Variants in ZNF416 observed in about 807,000 individuals in gnomAD.
ZNF416 encodes the protein zinc finger protein 416.
A neutral mutation model predicts 10.9 loss-of-function variants in ZNF416; 5 were observed. The observed-to-expected ratio is 0.46, with a 90% CI of 0.24 to 0.97. The LOEUF (loss-of-function observed/expected upper bound fraction) is 0.97. ZNF416 is among the 50% of genes least tolerant of loss of function. ZNF416 has a pLI of 0.19. For synonymous variants in ZNF416, 267 were observed against 251.8 expected, an observed-to-expected ratio of 1.06 and a Z score of -0.57; for missense variants, 675 against 715.0, an observed-to-expected ratio of 0.94 and a Z score of 0.64.
In ZNF416 at chr19:57,573,272, C is replaced by A; in HGVS notation, c.632G>T (p.Gly211Val). The A allele has an allele frequency of 6.2e-7, 1 of 1,614,240 alleles. No individual in the cohort carries two copies. Among genetic ancestry groups the A allele is most frequent in the Non-Finnish European group, 8.5e-7 (1 of 1,180,040 alleles). Reference sequence around the variant, plus strand: ...TTGACTCCACTTGTAATGACTTATTCCAACATGAAAGGCCTCCTCACATTT... The same window carrying A: ...TTGACTCCACTTGTAATGACTTATTACAACATGAAAGGCCTCCTCACATTT... ...ISKCEEAFHV[G>V]ISHYKWSQCR... The change falls in exon 4 of 4, where the codon GGA becomes GTA. Residue 211 changes from glycine to valine, a missense_variant. Physicochemically the swap from Gly to Val is moderately radical, Grantham distance 109 (BLOSUM62 -3). Coordinates refer to ENST00000196489, the MANE Select transcript of ZNF416 (RefSeq NM_017879.3).
rs577622214 is a variant in ZNF416, at chr19:57,572,320, C to T, written c.1584G>A (p.Gly528=). The T allele has an allele frequency of 5.0e-6, 8 of 1,614,032 alleles. No homozygotes were observed. In the African/African-American group the frequency reaches 9.3e-5, roughly 19 times the overall value. The change falls in exon 4 of 4, where the codon GGG becomes GGA. Residue 528 remains glycine (G), a synonymous_variant. Coordinates refer to ENST00000196489, the MANE Select transcript of ZNF416 (RefSeq NM_017879.3). The surrounding 1 kb of genome is among the most constrained non-coding windows in gnomAD (Gnocchi z 4.5). ...GLRPYDCGQC[G]KSFIQKSSLI... ...GGCTAGACTTTTGGATAAAGGATTT[C>T]CCGCACTGTCCACAGTCGTAAGGCC...
In ZNF416 at chr19:57,575,148, A is replaced by C. The variant is rs745522942; in HGVS notation, c.202+656T>G. ...CAGGGCAAATTCCTGGTAAGATTAG[A>C]AAACAGGCTGGATGCCATGTCCTCA... On this transcript the variant is annotated intron_variant, in intron 3 of 3. Transcript: ENST00000196489. The surrounding 1 kb of genome is among the most constrained non-coding windows in gnomAD (Gnocchi z 4.4). Among the ~76,000 whole-genome samples, 1 of 152,214 alleles carries C rather than the reference A, an allele frequency of 6.6e-6. No individual in the cohort carries two copies. The highest frequency in any genetic ancestry group is 1.5e-5 in the Non-Finnish European group (1 of 68,030).
In ZNF416 at chr19:57,573,026, G is replaced by C; in HGVS notation, c.878C>G (p.Thr293Ser). 3 of 1,614,218 alleles carry C rather than the reference G, an allele frequency of 1.9e-6. No individual in the cohort carries two copies. Among genetic ancestry groups the C allele is most frequent in the Non-Finnish European group, 2.5e-6 (3 of 1,180,040 alleles). ...SHLNDHRRIH[T>S]GERPYVCGQC... ...ACCACACACATAAGGCCTTTCTCCA[G>C]TGTGGATTCTCCGATGATCATTCAG... The change falls in exon 4 of 4, where the codon ACT becomes AGT. Residue 293 changes from threonine to serine, a missense_variant. Coordinates refer to ENST00000196489, the MANE Select transcript of ZNF416 (RefSeq NM_017879.3).
chr19:57,572,253 C>T lies in ZNF416; in HGVS notation c.1651G>A (p.Glu551Lys). ...QVVHTGERPYECGKCGKSFTQ... is the reference protein window; with the variant it reads ...QVVHTGERPYKCGKCGKSFTQ... ...AAGGACTTCCCACATTTGCCACACT[C>T]ATATGGCCTTTCTCCTGTGTGAACC... The change falls in exon 4 of 4, where the codon GAG becomes AAG. Residue 551 changes from glutamate to lysine, a missense_variant. Transcript: ENST00000196489. This position sits in a 1 kb window ranked among gnomAD's most constrained non-coding sequence, Gnocchi z 4.5. 1 of 1,614,220 alleles carries T rather than the reference C, an allele frequency of 6.2e-7. No homozygotes were observed. The highest frequency in any genetic ancestry group is 8.5e-7 in the Non-Finnish European group (1 of 1,180,048).
In ZNF416 at chr19:57,572,680, C is replaced by G. The variant is rs1978342338; in HGVS notation, c.1224G>C (p.Arg408Ser). 6.2e-7 allele frequency: 1 copy of G among 1,614,140 alleles called. No individual in the cohort carries two copies. The highest frequency in any genetic ancestry group is 1.1e-5 in the South Asian group (1 of 91,090). ...VVHQRIHTTA[R>S]PYECGQCGKS... The stretch of plus-strand genomic sequence containing the variant: ...TCCCACACTGGCCACACTCATAAGG[C>G]CTTGCTGTAGTGTGAATTCTCTGGT... Residue 408 changes from arginine to serine, a missense_variant, in exon 4 of 4, where the codon AGG becomes AGC. Arg to Ser is a moderately radical substitution (Grantham distance 110). Transcript: ENST00000196489. The surrounding 1 kb of genome is among the most constrained non-coding windows in gnomAD (Gnocchi z 4.5).
rs768226707 is a variant in ZNF416, at chr19:57,572,507, T to C, written c.1397A>G (p.Tyr466Cys). 43 of 1,613,964 alleles carry C rather than the reference T, an allele frequency of 2.7e-5. No individual in the cohort carries two copies. Among genetic ancestry groups the C allele is most frequent in the African/African-American group, 4.0e-5 (3 of 74,872 alleles). Reference protein sequence around the residue: ...HHKVHTAERPYVCGECGKAFM... With the variant: ...HHKVHTAERPCVCGECGKAFM... The stretch of plus-strand genomic sequence containing the variant: ...AGCTTTCCCACATTCCCCACATACA[T>C]AAGGCCTTTCTGCAGTGTGAACTTT... The change falls in exon 4 of 4, where the codon TAT becomes TGT. Residue 466 changes from tyrosine (Y) to cysteine (C), a missense_variant. Transcript: ENST00000196489. The surrounding 1 kb of genome is among the most constrained non-coding windows in gnomAD (Gnocchi z 4.5).
chr19:57,573,428 A>G lies in ZNF416; in HGVS notation c.476T>C (p.Val159Ala), dbSNP rs931953243. ...TGACTCATGGAACAGGCAGCACTGC[A>G]CAAATGAGGCCTTGTCCATGTCACT... The part of the protein sequence containing the change: ...LESDMDKASF[V>A]QCCLFHESGM... The change falls in exon 4 of 4, where the codon GTG becomes GCG. Residue 159 changes from valine (V) to alanine (A), a missense_variant. Coordinates refer to ENST00000196489, the MANE Select transcript of ZNF416 (RefSeq NM_017879.3). 7.4e-6 allele frequency: 12 copies of G among 1,614,146 alleles called. No individual in the cohort carries two copies. In the South Asian group the frequency reaches 8.8e-5, roughly 12 times the overall value.
chr19:57,578,344 G>A, intron 1 of ZNF416: 1 of 594,004 alleles, frequency 1.7e-6, no homozygotes, highest in Non-Finnish European at 3.0e-6. Context: ...GAAAAAATTT[G>A]AAAAGTCTAA....
At position 57,578,692 on chromosome 19, in the gene ZNF416, C is replaced by G. The variant is rs543224478; in HGVS notation, c.13G>C (p.Val5Leu). ...CTCACCGAAGTCGAATCCCTAAGCA[C>G]GGCCGCCGCCATCGGATTGTGAGCG... The part of the protein sequence containing the change: MAAA[V>L]LRDSTSVPVT... Residue 5 changes from valine to leucine, a missense_variant, in exon 1 of 4, where the codon GTG (valine) becomes CTG (leucine). Val to Leu is a conservative substitution (Grantham distance 32). Transcript: ENST00000196489. The G allele has an allele frequency of 6.5e-7, 1 of 1,549,124 alleles. No homozygotes were observed. Among genetic ancestry groups the G allele is most frequent in the African/African-American group, 1.4e-5 (1 of 71,050 alleles).
chr19:57,575,935 C>A lies in ZNF416; in HGVS notation c.76-5G>T, dbSNP rs1158221536. 6.2e-7 allele frequency: 1 copy of A among 1,613,554 alleles called. No homozygotes were observed. Among genetic ancestry groups the A allele is most frequent in the Admixed American group, 1.7e-5 (1 of 59,982 alleles). On this transcript the variant is annotated splice_region_variant and splice_polypyrimidine_tract_variant and intron_variant, in intron 2 of 3. Transcript: ENST00000196489. The surrounding 1 kb of genome is among the most constrained non-coding windows in gnomAD (Gnocchi z 4.4). ...GTCCTCAAAGGTCACACAGCCCTGCCATGATGGGGATAGATCTTTCCATGA... is the reference window on the plus strand; with the variant it reads ...GTCCTCAAAGGTCACACAGCCCTGCAATGATGGGGATAGATCTTTCCATGA...
chr19:57,575,821 G>A lies in ZNF416; in HGVS notation c.185C>T (p.Ala62Val), dbSNP rs1410491379. 2.5e-6 allele frequency: 4 copies of A among 1,613,928 alleles called. No homozygotes were observed. The Admixed American group carries it at 6.7e-5, about 27-fold the overall frequency. ...LYRDVMLENF[A>V]LITALVCWHG... Reference sequence around the variant, plus strand: ...GGCCTTACCCAGCGCAGTTATAAGTGCAAAGTTCTCCAGCATCACATCGCG... The same window carrying A: ...GGCCTTACCCAGCGCAGTTATAAGTACAAAGTTCTCCAGCATCACATCGCG... Residue 62 changes from alanine to valine, a missense_variant, in exon 3 of 4, where the codon GCA (alanine) becomes GTA (valine). Transcript: ENST00000196489. The surrounding 1 kb of genome is among the most constrained non-coding windows in gnomAD (Gnocchi z 4.4).
chr19:57,578,188 GC>G, intron 1 of ZNF416, 90 bp from the exon 2 acceptor site: 2 of 1,361,980 alleles, frequency 1.5e-6, no homozygotes, highest in Non-Finnish European at 2.1e-6. Flanking sequence ...CAGCCCTGGA[GC>G]CAGGTGACTT....
At chr19:57,576,970 C>G (rs1297654796) in intron 2 of ZNF416, among the ~76,000 whole-genome samples, 1 of 149,902 alleles carries the variant, frequency 6.7e-6, no homozygotes, top group African/African-American at 2.5e-5. Flanking sequence ...TCTCCCATAC[C>G]TGTCTTTGTG....
chr19:57,572,302 C>T lies in ZNF416; in HGVS notation c.1602G>A (p.Lys534=). The change falls in exon 4 of 4, where the codon AAG becomes AAA. Residue 534 remains lysine (K), a synonymous_variant. Transcript: ENST00000196489. This position sits in a 1 kb window ranked among gnomAD's most constrained non-coding sequence, Gnocchi z 4.5. ...CCACTTGGTGTTGAATGAGGCTAGACTTTTGGATAAAGGATTTCCCGCACT... is the reference window on the plus strand; with the variant it reads ...CCACTTGGTGTTGAATGAGGCTAGATTTTTGGATAAAGGATTTCCCGCACT... The part of the protein sequence containing the change: ...CGQCGKSFIQ[K]SSLIQHQVVH... 1.2e-6 allele frequency: 2 copies of T among 1,613,992 alleles called. No homozygotes were observed. The highest frequency in any genetic ancestry group is 1.7e-6 in the Non-Finnish European group (2 of 1,179,998).
rs771690615 is a variant in ZNF416, at chr19:57,575,383, A to G, written c.202+421T>C. ...CTTGAGAACACAAGAAAGAAAATTAATATCACACAGATCCTTGAAGGAGGT... is the reference window on the plus strand; with the variant it reads ...CTTGAGAACACAAGAAAGAAAATTAGTATCACACAGATCCTTGAAGGAGGT... On this transcript the variant is annotated intron_variant, in intron 3 of 3. Coordinates refer to ENST00000196489, the MANE Select transcript of ZNF416 (RefSeq NM_017879.3). The surrounding 1 kb of genome is among the most constrained non-coding windows in gnomAD (Gnocchi z 4.4). Among the ~76,000 whole-genome samples the G allele has an allele frequency of 2.6e-5, 4 of 152,214 alleles. No individual in the cohort carries two copies. Among genetic ancestry groups the G allele is most frequent in the Non-Finnish European group, 4.4e-5 (3 of 68,034 alleles).
At position 57,578,878 on chromosome 19, in the gene ZNF416, A is replaced by G; in HGVS notation, c.-174T>C. ...GCGTGGGCCGAGGTAGAGAACCACCAAAATTACCATCTCGGAGCGGTGCCG... is the reference window on the plus strand; with the variant it reads ...GCGTGGGCCGAGGTAGAGAACCACCGAAATTACCATCTCGGAGCGGTGCCG... On this transcript the variant is annotated 5_prime_UTR_variant, in exon 1 of 4. Transcript: ENST00000196489. The G allele has an allele frequency of 3.8e-6, 2 of 529,304 alleles. No individual in the cohort carries two copies. The highest frequency in any genetic ancestry group is 6.2e-6 in the Non-Finnish European group (2 of 320,456). The allele number at this position is 529,304 out of a possible 1,614,324, so 32.8% of individuals were successfully genotyped here. A position where few individuals can be genotyped will look rare whatever the true frequency, so the allele number is the denominator to read the frequency against.
intron 2 of ZNF416, among the ~76,000 whole-genome samples, chr19:57,576,180 G>A (rs890796880): frequency 2.0e-5 from 3 of 152,138 alleles, no homozygotes; most frequent in Non-Finnish European, 4.4e-5. Flanking sequence ...TATAGGGCTG[G>A]ATTTTGTCTT....
rs1337020536 is a variant in ZNF416 at position 57,575,965 on chromosome 19, AT to A, written c.76-36del. 6.2e-7 allele frequency: 1 copy of A among 1,604,534 alleles called. No individual in the cohort carries two copies. Among genetic ancestry groups the A allele is most frequent in the Admixed American group, 1.7e-5 (1 of 59,174 alleles). ...TGGGGATAGATCTTTCCATGATCAG[AT>A]TCTCTCCTAGGACCCCAAGTTCATG... On this transcript the variant is annotated intron_variant, in intron 2 of 3. Coordinates refer to ENST00000196489, the MANE Select transcript of ZNF416 (RefSeq NM_017879.3). This position sits in a 1 kb window ranked among gnomAD's most constrained non-coding sequence, Gnocchi z 4.4.
chr19:57,571,965 T>C lies in ZNF416; in HGVS notation c.*154A>G. The stretch of plus-strand genomic sequence containing the variant: ...GCAAGACACATATGCCTGGAACTAA[T>C]GGGAGTCTGACCCATCGGGAGGTCT... On this transcript the variant is annotated 3_prime_UTR_variant, in exon 4 of 4. Coordinates refer to ENST00000196489, the MANE Select transcript of ZNF416 (RefSeq NM_017879.3). 3 of 914,794 alleles carry C rather than the reference T, an allele frequency of 3.3e-6. No homozygotes were observed. Among genetic ancestry groups the C allele is most frequent in the Middle Eastern group, 3.5e-4 (1 of 2,848 alleles). 56.7% of individuals were successfully genotyped at this position (914,794 alleles called of 1,614,324 possible). A position where few individuals can be genotyped will look rare whatever the true frequency, so the allele number is the denominator to read the frequency against.
Sources: allele counts gnomAD v4.1 joint callset (sites outside exome capture counted in the v4.1 genomes callset), GRCh38; gene constraint gnomAD v4.1.1; non-coding constraint Gnocchi (gnomAD v3.1); transcripts MANE v1.5; gene names NCBI Gene and HGNC (gene_info 2026-07-23, HGNC 2026-07-21).